The following CACNA1E variants were observed in gnomAD, a reference collection of about 807,000 sequenced individuals.
The protein encoded by CACNA1E is calcium voltage-gated channel subunit alpha1 E.
Under a neutral mutation model 259.2 loss-of-function variants are expected in CACNA1E, and 40 were observed. The ratio of observed to expected loss-of-function variants is 0.15; its 90% CI spans 0.12 to 0.20. The LOEUF is 0.20. Among genes scored for constraint, CACNA1E ranks in the 10% least tolerant of loss-of-function variants. The pLI is 1.00. For synonymous variants in CACNA1E, 1,104 were observed against 1,138.5 expected, an observed-to-expected ratio of 0.97 and a Z score of 0.61; for missense variants, 1,874 against 3,040.1, an observed-to-expected ratio of 0.62 and a Z score of 9.02.
At chr1:181,720,582 G>A (rs946731794) in intron 14 of CACNA1E, among the ~76,000 whole-genome samples, 2 of 152,120 alleles carry the variant, frequency 1.3e-5, no homozygotes, top group African/African-American at 4.8e-5. Flanking sequence ...TGCAGCGTGG[G>A]CACATTCTTC....
intron 16 of CACNA1E, among the ~76,000 whole-genome samples, chr1:181,723,147 A>G (rs1267019207): frequency 1.3e-5 from 2 of 152,196 alleles, no homozygotes; most frequent in East Asian, 1.9e-4. Flanking sequence ...GACCCTCACA[A>G]GAAGAATGGG....
chr1:181,731,045 A>T, intron 18 of CACNA1E, 130 bp from the exon 19 acceptor site: 1 of 700,808 alleles, frequency 1.4e-6, no homozygotes, highest in African/African-American at 1.8e-5. Flanking sequence ...ACAGAAGGCA[A>T]GCAGGCACAT....
At chr1:181,507,061 A>T (rs1270179762) in intron 1 of CACNA1E, among the ~76,000 whole-genome samples, 11 of 151,522 alleles carry the variant, frequency 7.3e-5, no homozygotes, top group Admixed American at 4.6e-4. Flanking sequence ...CAAAAAAAAA[A>T]ATATTTTTAA....
chr1:181,324,866 T>G (rs1650646786), intron 1 of CACNA1E, among the ~76,000 whole-genome samples: 1 of 152,196 alleles, frequency 6.6e-6, no homozygotes, highest in South Asian at 2.1e-4. Flanking sequence ...AGGGTCTTCT[T>G]AACCCAGAGC....
At chr1:181,770,988 A>AAAAG (rs1237189642) in intron 35 of CACNA1E, among the ~76,000 whole-genome samples, 1 of 152,200 alleles carries the variant, frequency 6.6e-6, no homozygotes, top group Non-Finnish European at 1.5e-5. Flanking sequence ...CCATGGAACT[A>AAAAG]AAAGACCAGA....
At chr1:181,787,443 C>T (rs1349101919) in intron 43 of CACNA1E, among the ~76,000 whole-genome samples, 1 of 152,132 alleles carries the variant, frequency 6.6e-6, no homozygotes, top group Admixed American at 6.6e-5. Flanking sequence ...GATACCACCC[C>T]CTAAATTGCA....
chr1:181,664,579 TG>T (rs1648023542), intron 7 of CACNA1E, among the ~76,000 whole-genome samples: 2 of 152,164 alleles, frequency 1.3e-5, no homozygotes, highest in South Asian at 4.1e-4. Flanking sequence ...CAGCTGCTTT[TG>T]GGGGGAAAAA....
At chr1:181,628,483 C>T (rs1656405894) in intron 6 of CACNA1E, among the ~76,000 whole-genome samples, 1 of 152,186 alleles carries the variant, frequency 6.6e-6, no homozygotes, top group Non-Finnish European at 1.5e-5. Context: ...AATGCTATCA[C>T]ATGAATCTTC....
intron 27 of CACNA1E, among the ~76,000 whole-genome samples, 183 bp from the exon 28 acceptor site, chr1:181,755,054 C>T (rs1657966907): frequency 6.6e-6 from 1 of 152,120 alleles, no homozygotes; most frequent in Non-Finnish European, 1.5e-5. Flanking sequence ...TCCTTGCAGT[C>T]ATAACCAGCT....
intron 2 of CACNA1E, among the ~76,000 whole-genome samples, chr1:181,429,439 T>C (rs190795770): frequency 2.0e-5 from 3 of 152,346 alleles, no homozygotes; most frequent in Admixed American, 2.0e-4. Flanking sequence ...GAGTCTTTCC[T>C]ACTTTGAGCC....
intron 6 of CACNA1E, among the ~76,000 whole-genome samples, chr1:181,636,583 C>A (rs1309034727): frequency 1.3e-5 from 2 of 152,150 alleles, no homozygotes; most frequent in Non-Finnish European, 2.9e-5. Flanking sequence ...CAAAACAGGC[C>A]TGAAAACTCC....
intron 25 of CACNA1E, among the ~76,000 whole-genome samples, chr1:181,748,939 A>G (rs1412987399): frequency 6.6e-6 from 1 of 152,178 alleles, no homozygotes; most frequent in Admixed American, 6.5e-5. Context: ...CTGACCTACC[A>G]TATGCCCTGT....
At chr1:181,690,093 G>A (rs141352657) in intron 7 of CACNA1E, among the ~76,000 whole-genome samples, 3,968 of 152,196 alleles carry the variant, frequency 0.026, 76 homozygotes, top group Middle Eastern at 0.068. Context: ...TTCTTATGGG[G>A]TTTTTATGGT....
chr1:181,373,537 C>CTTTTTTTTTTTTTTTT (rs5779097), intron 1 of CACNA1E, among the ~76,000 whole-genome samples: 1 of 120,926 alleles, frequency 8.3e-6, no homozygotes, highest in Non-Finnish European at 1.7e-5. Flanking sequence ...TCTTTTCTTT[C>CTTTTTTTTTTTTTTTT]TTTTTTTTTT....
intron 2 of CACNA1E, among the ~76,000 whole-genome samples, chr1:181,425,415 G>A (rs925624457): frequency 1.3e-5 from 2 of 152,194 alleles, no homozygotes; most frequent in South Asian, 4.1e-4. Context: ...GGGGATGGGT[G>A]AAGACACGTG....
intron 2 of CACNA1E, among the ~76,000 whole-genome samples, chr1:181,452,474 G>A (rs1020052049): frequency 3.3e-5 from 5 of 152,150 alleles, no homozygotes; most frequent in Non-Finnish European, 4.4e-5. Context: ...GTTCCTTGGA[G>A]CCCTTCAGGG....
chr1:181,431,404 T>A (rs745498423), intron 2 of CACNA1E, among the ~76,000 whole-genome samples: 10 of 151,930 alleles, frequency 6.6e-5, no homozygotes, highest in Non-Finnish European at 1.3e-4. Flanking sequence ...AAAATAGGAG[T>A]TCTTTTGAGA....
intron 3 of CACNA1E, among the ~76,000 whole-genome samples, chr1:181,541,597 G>A (rs1482088558): frequency 6.6e-6 from 1 of 152,152 alleles, no homozygotes; most frequent in Non-Finnish European, 1.5e-5. Flanking sequence ...GTTCTGAAAG[G>A]CTCTGTTTCT....
At chr1:181,397,591 C>T (rs1656775673) in intron 1 of CACNA1E, among the ~76,000 whole-genome samples, 1 of 152,174 alleles carries the variant, frequency 6.6e-6, no homozygotes, top group South Asian at 2.1e-4. Context: ...AGCCACTGCG[C>T]CTGGACAGGG....
Sources: gnomAD v4.1 joint callset for allele counts (sites outside exome capture counted in the v4.1 genomes callset) on GRCh38, gnomAD v4.1.1 for gene constraint, MANE v1.5 for transcripts, NCBI Gene and HGNC (gene_info 2026-07-23, HGNC 2026-07-21) for gene names.